Variants in SPARC observed in about 807,000 individuals in gnomAD.
The protein encoded by SPARC is basement-membrane protein 40.
In SPARC, 23 loss-of-function variants were observed where a neutral mutation model predicts 37.7. The observed-to-expected ratio is 0.61, with a 90% CI of 0.44 to 0.87. The LOEUF is 0.87. SPARC is among the 40% of genes least tolerant of loss of function. SPARC has a pLI of 0.00. For synonymous variants in SPARC, 155 were observed against 150.8 expected (o/e 1.03, Z -0.20); for missense variants, 312 against 389.0 (o/e 0.80, Z 1.66).
intron 8 of SPARC, among the ~76,000 whole-genome samples, chr5:151,665,026 C>T (rs949721878): frequency 1.3e-5 from 2 of 152,192 alleles, no homozygotes; most frequent in South Asian, 4.1e-4. Context: ...CTCTAGACCT[C>T]GCAGCCCCAC....
Position 151,684,641 on chromosome 5 carries a change from T to C in SPARC, c.-14+2224A>G, listed in dbSNP as rs562622223. On this transcript the variant is annotated intron_variant, in intron 1 of 9. Transcript: ENST00000231061. ...AAAAAAAAGCTGAGAATGATTTCAC[T>C]AGGTCTTTGGATGCCTTTAATCCAT... is the stretch of plus-strand genomic sequence containing the variant. Among the ~76,000 whole-genome samples, 60 of 148,638 alleles carry C rather than the reference T, an allele frequency of 4.0e-4. 2 individuals are homozygous for C. The South Asian group carries it at 0.012, about 30-fold the overall frequency.
At chr5:151,666,628 A>G in intron 7 of SPARC, 119 bp from the exon 8 acceptor site, 2 of 829,984 alleles carry the variant, frequency 2.4e-6, no homozygotes, top group Admixed American at 5.4e-5. Context: ...CAAAGCTCAC[A>G]GCGAGGGGAG....
chr5:151,683,286 C>A (rs1158664669), intron 1 of SPARC, among the ~76,000 whole-genome samples: 1 of 152,234 alleles, frequency 6.6e-6, no homozygotes, highest in Non-Finnish European at 1.5e-5. Context: ...GACAAAGCCA[C>A]GTGGGCTGGA....
At chr5:151,676,902 C>T (rs1418678209) in intron 1 of SPARC, 1 of 152,162 alleles carries the variant, frequency 6.6e-6, no homozygotes, top group East Asian at 1.9e-4. Context: ...GGAATGTAAC[C>T]CATGGAAACT....
chr5:151,671,738 C>T, intron 4 of SPARC, 44 bp from the exon 5 acceptor site: 3 of 1,609,624 alleles, frequency 1.9e-6, no homozygotes, highest in Non-Finnish European at 2.5e-6. Flanking sequence ...CCTGGACTAG[C>T]ACATCCACCC....
In SPARC at chr5:151,674,621, C is replaced by T. The variant is rs755454158; in HGVS notation, c.111G>A (p.Glu37=). The part of the protein sequence containing the change: ...ETEVVEETVA[E]VTEVSVGANP... The stretch of plus-strand genomic sequence containing the variant: ...GTCACTGCCCACATACCTCAGTCAC[C>T]TCTGCCACAGTTTCTTCCACCACCT... Residue 37 remains glutamate (E), a synonymous_variant, in exon 3 of 10, where the codon GAG becomes GAA. Coordinates refer to ENST00000231061, the MANE Select transcript of SPARC (RefSeq NM_003118.4). 6.2e-7 allele frequency: 1 copy of T among 1,614,174 alleles called. No homozygotes were observed. The highest frequency in any genetic ancestry group is 1.1e-5 in the South Asian group (1 of 91,082).
chr5:151,682,361 A>T (rs1350012553), intron 1 of SPARC, among the ~76,000 whole-genome samples: 1 of 152,184 alleles, frequency 6.6e-6, no homozygotes, highest in African/African-American at 2.4e-5. Flanking sequence ...CCTCTAGGGC[A>T]CCGCTGCTGC....
intron 4 of SPARC, 158 bp from the exon 5 acceptor site, chr5:151,671,852 C>G: frequency 2.3e-6 from 2 of 858,528 alleles, no homozygotes; most frequent in South Asian, 3.7e-5. Flanking sequence ...CTGAGCCTCA[C>G]AGTCAACATT....
At chr5:151,683,728 C>T (rs530569715) in intron 1 of SPARC, among the ~76,000 whole-genome samples, 7 of 152,274 alleles carry the variant, frequency 4.6e-5, no homozygotes, top group Admixed American at 3.9e-4. Flanking sequence ...CTGTTTCAGC[C>T]TGTAATAGGC....
intron 1 of SPARC, among the ~76,000 whole-genome samples, chr5:151,681,563 A>T (rs1389911589): frequency 3.9e-5 from 6 of 152,230 alleles, no homozygotes; most frequent in Admixed American, 3.9e-4. Flanking sequence ...CATGTGAATG[A>T]GTATTATCTA....
chr5:151,672,902 T>G (rs1760777065), intron 4 of SPARC: 1 of 542,946 alleles, frequency 1.8e-6, no homozygotes, highest in African/African-American at 1.9e-5. Flanking sequence ...GAACTCTCCT[T>G]CCTACCACAC....
chr5:151,671,248 G>A (rs1287941549), intron 5 of SPARC, among the ~76,000 whole-genome samples: 1 of 152,178 alleles, frequency 6.6e-6, no homozygotes, highest in Non-Finnish European at 1.5e-5. Flanking sequence ...GATGAGGTTT[G>A]AAGTCAACCT....
At chr5:151,674,762 G>C in intron 2 of SPARC, 88 bp from the exon 3 acceptor site, 1 of 1,311,726 alleles carries the variant, frequency 7.6e-7, no homozygotes. Context: ...ATACAGGCTA[G>C]GGGAGCTTGG....
At chr5:151,678,923 T>TA (rs61545179) in intron 1 of SPARC, among the ~76,000 whole-genome samples, 78,746 of 151,712 alleles carry the variant, frequency 0.52, 23,213 homozygotes, top group African/African-American at 0.82. Flanking sequence ...TGCACAGCCA[T>TA]CTCCCTGCCT....
intron 6 of SPARC, among the ~76,000 whole-genome samples, chr5:151,669,040 C>A (rs189442231): frequency 8.1e-4 from 123 of 152,136 alleles, no homozygotes; most frequent in Non-Finnish European, 1.3e-3. Flanking sequence ...AGGCACTTGG[C>A]CCCACTGAGT....
rs973979242 is a variant in SPARC, at chr5:151,685,430, A to T, written c.-14+1435T>A. Among the ~76,000 whole-genome samples, 134 of 150,760 alleles carry T rather than the reference A, an allele frequency of 8.9e-4. 2 individuals carry two copies. Among genetic ancestry groups the T allele is most frequent in the East Asian group, 5.5e-3 (28 of 5,110 alleles). On this transcript the variant is annotated intron_variant, in intron 1 of 9. Transcript: ENST00000231061. ...CTCTCTCCCTCTCTCTCTCACACAC[A>T]CACACACACACACACACACACACAC...
chr5:151,679,276 T>C (rs1371423433), intron 1 of SPARC: 1 of 152,148 alleles, frequency 6.6e-6, no homozygotes, highest in Non-Finnish European at 1.5e-5. Context: ...TTCTGCCCAA[T>C]AGTACAGATG....
At chr5:151,686,304 A>C (rs896323562) in intron 1 of SPARC, 3 of 152,172 alleles carry the variant, frequency 2.0e-5, no homozygotes, top group African/African-American at 7.2e-5. Context: ...GGTGTTTGGG[A>C]GTGAGGAGAA....
intron 1 of SPARC, chr5:151,684,964 CA>C (rs1282132085): frequency 6.6e-6 from 1 of 152,204 alleles, no homozygotes; most frequent in African/African-American, 2.4e-5. Flanking sequence ...GAATTTGCTG[CA>C]GGCCTTGAAT....
Sources: gnomAD v4.1 joint callset for allele counts (sites outside exome capture counted in the v4.1 genomes callset) on GRCh38, gnomAD v4.1.1 for gene constraint, MANE v1.5 for transcripts, NCBI Gene and HGNC (gene_info 2026-07-23, HGNC 2026-07-21) for gene names.